Variants in ANK3 observed in about 807,000 individuals in gnomAD.
The protein encoded by ANK3 is ankyrin 3, also known as ankyrin-3.
Under a neutral mutation model 370.9 loss-of-function variants are expected in ANK3, and 57 were observed. The ratio of observed to expected loss-of-function variants is 0.15; its 90% CI spans 0.12 to 0.19. The LOEUF (loss-of-function observed/expected upper bound fraction) is 0.19, where lower values mean the gene tolerates loss of function less well. Ranked by LOEUF, ANK3 falls within the 10% of genes least tolerant of loss-of-function variation. The pLI, the probability that ANK3 is intolerant of heterozygous loss-of-function variation, is 1.00. For synonymous variants in ANK3, 1,929 were observed against 1,946.3 expected (o/e 0.99, Z 0.23); for missense variants, 4,439 against 5,302.1 (o/e 0.84, Z 5.06).
chr10:60,377,529 T>TA (rs1255635798), intron 1 of ANK3, among the ~76,000 whole-genome samples: 1 of 152,206 alleles, frequency 6.6e-6, no homozygotes, highest in Non-Finnish European at 1.5e-5. Flanking sequence ...CACCATTATT[T>TA]AAAAAGCACT....
intron 7 of ANK3, among the ~76,000 whole-genome samples, chr10:60,237,373 G>A (rs912690207): frequency 6.6e-6 from 1 of 152,122 alleles, no homozygotes; most frequent in African/African-American, 2.4e-5. Flanking sequence ...GACGTGACAC[G>A]AAGACCTCAT....
At chr10:60,421,358 G>A (rs1005820871) in intron 2 of ANK3, among the ~76,000 whole-genome samples, 1 of 151,868 alleles carries the variant, frequency 6.6e-6, no homozygotes, top group Non-Finnish European at 1.5e-5. Flanking sequence ...CAATAAAAAA[G>A]TGGAGAAAAA....
At position 60,550,380 on chromosome 10, in the gene ANK3, A is replaced by G. The variant is rs118171794; in HGVS notation, c.96+64806T>C. On this transcript the variant is annotated intron_variant, in intron 2 of 43. Transcript: ENST00000373827. ...TTCCTTTAAAGCTTGATACAAATGT[A>G]TCTTGAAATTTTTCAGGTGAATATA... Among the ~76,000 whole-genome samples the G allele has an allele frequency of 2.8e-4, 42 of 152,030 alleles. No homozygotes were observed. The East Asian group carries it at 7.9e-3, about 29-fold the overall frequency.
At chr10:60,396,833 T>C (rs2063250206) in intron 2 of ANK3, among the ~76,000 whole-genome samples, 1 of 152,226 alleles carries the variant, frequency 6.6e-6, no homozygotes, top group South Asian at 2.1e-4. Context: ...TTATCCTACC[T>C]AGTTTCTGTT....
chr10:60,278,332 CAT>C, intron 4 of ANK3, among the ~76,000 whole-genome samples: 1 of 152,192 alleles, frequency 6.6e-6, no homozygotes, highest in Non-Finnish European at 1.5e-5. Context: ...CTCTCACACA[CAT>C]ATATATTGCA....
At position 60,716,460 on chromosome 10, in the gene ANK3, C is replaced by A. The variant is rs554018041; in HGVS notation, c.57+16803G>T. Among the ~76,000 whole-genome samples, 115 of 152,142 alleles carry A rather than the reference C, an allele frequency of 7.6e-4. 2 individuals carry two copies. The South Asian group carries it at 0.013, about 18-fold the overall frequency. ...GTCAAGAAAATAAATCTCAATCTTC[C>A]ACTCAAGTCATGGATTGTTCTCTAT... On this transcript the variant is annotated intron_variant, in intron 1 of 43. Transcript: ENST00000373827.
intron 2 of ANK3, among the ~76,000 whole-genome samples, chr10:60,533,724 A>G (rs891259751): frequency 1.3e-5 from 2 of 152,168 alleles, no homozygotes; most frequent in Non-Finnish European, 2.9e-5. Context: ...AATGTATAAT[A>G]TAAGATTAGC....
At chr10:60,689,859 A>C (rs1461449288) in intron 1 of ANK3, among the ~76,000 whole-genome samples, 1 of 152,184 alleles carries the variant, frequency 6.6e-6, no homozygotes, top group Non-Finnish European at 1.5e-5. Context: ...TGAGGGAATA[A>C]AGAGTACAAA....
intron 1 of ANK3, among the ~76,000 whole-genome samples, chr10:60,622,915 A>C (rs1461352687): frequency 6.6e-6 from 1 of 152,186 alleles, no homozygotes; most frequent in African/African-American, 2.4e-5. Flanking sequence ...AAAGAACGCA[A>C]TGCTAGTGTT....
intron 1 of ANK3, among the ~76,000 whole-genome samples, chr10:60,731,250 A>G (rs1589090450): frequency 6.6e-6 from 1 of 152,294 alleles, no homozygotes; most frequent in South Asian, 2.1e-4. Context: ...AAGTACTGAA[A>G]AAAAGAAAAC....
intron 2 of ANK3, among the ~76,000 whole-genome samples, chr10:60,581,415 G>C (rs1020371685): frequency 6.3e-5 from 8 of 127,766 alleles, no homozygotes; most frequent in Middle Eastern, 4.5e-3. Context: ...CAGGTATTTT[G>C]CCCTTTTTTT....
chr10:60,381,624 C>T (rs900210077), intron 1 of ANK3, among the ~76,000 whole-genome samples: 2 of 152,162 alleles, frequency 1.3e-5, no homozygotes, highest in Admixed American at 1.3e-4. Flanking sequence ...TCTTCCACGT[C>T]ATTCTTGACT....
intron 25 of ANK3, among the ~76,000 whole-genome samples, chr10:60,119,275 A>T (rs1312576727): frequency 2.0e-5 from 3 of 152,236 alleles, no homozygotes; most frequent in Non-Finnish European, 4.4e-5. Flanking sequence ...TTATACATAG[A>T]TACTGAATTG....
chr10:60,366,152 A>T (rs181535717), intron 1 of ANK3, among the ~76,000 whole-genome samples: 1 of 152,206 alleles, frequency 6.6e-6, no homozygotes, highest in East Asian at 1.9e-4. Flanking sequence ...AGCCTGGTCA[A>T]CATGGTGAAA....
At position 60,382,797 on chromosome 10, in the gene ANK3, C is replaced by A. The variant is rs866320956; in HGVS notation, c.114+6628G>T. Among the ~76,000 whole-genome samples the A allele has an allele frequency of 1.8e-3, 247 of 133,746 alleles. 2 individuals carry two copies. Among genetic ancestry groups the A allele is most frequent in the African/African-American group, 6.3e-3 (229 of 36,446 alleles). 87.7% of individuals were successfully genotyped at this position (133,746 alleles called of 152,430 possible). ...TTCGATATTTAACCTATACCTAAAT[C>A]TATATATATATATATATATATATAT... On this transcript the variant is annotated intron_variant, in intron 1 of 43. Coordinates refer to ENST00000280772, the MANE Select transcript of ANK3 (RefSeq NM_020987.5).
chr10:60,597,224 C>T (rs2078000070), intron 2 of ANK3, among the ~76,000 whole-genome samples: 1 of 152,018 alleles, frequency 6.6e-6, no homozygotes, highest in African/African-American at 2.4e-5. Context: ...CAGAGGAATC[C>T]CTATGAATTC....
chr10:60,566,180 C>T lies in ANK3; in HGVS notation c.96+49006G>A, dbSNP rs191993505. Among the ~76,000 whole-genome samples, 228 of 152,162 alleles carry T rather than the reference C, an allele frequency of 1.5e-3. 2 individuals carry two copies. Among genetic ancestry groups the T allele is most frequent in the East Asian group, 3.1e-3 (16 of 5,176 alleles). On this transcript the variant is annotated intron_variant, in intron 2 of 43. Transcript: ENST00000373827. ...AACCACATCCATATAAGATGGAAAC[C>T]TTAATTAGTAAATGTTGTATGTGTG...
At chr10:60,461,951 T>G (rs2064895248) in intron 2 of ANK3, among the ~76,000 whole-genome samples, 1 of 152,046 alleles carries the variant, frequency 6.6e-6, no homozygotes, top group Non-Finnish European at 1.5e-5. Context: ...CTGAAAGAGG[T>G]AGTCAGCGGG....
chr10:60,484,146 A>T (rs1300649196), intron 2 of ANK3, among the ~76,000 whole-genome samples: 1 of 152,216 alleles, frequency 6.6e-6, no homozygotes, highest in Non-Finnish European at 1.5e-5. Flanking sequence ...GAAAATGCAT[A>T]AGCCATTCAA....
Sources: allele counts gnomAD v4.1 joint callset (sites outside exome capture counted in the v4.1 genomes callset), GRCh38; gene constraint gnomAD v4.1.1; transcripts MANE v1.5; gene names NCBI Gene and HGNC (gene_info 2026-07-23, HGNC 2026-07-21).